Variants in MYRFL observed in about 807,000 individuals in gnomAD.
The protein encoded by MYRFL is myelin regulatory factor-like protein.
Under a neutral mutation model 109.4 loss-of-function variants are expected in MYRFL, and 88 were observed. The observed-to-expected ratio is 0.80, with a 90% CI of 0.68 to 0.96. The LOEUF is 0.96. Ranked by LOEUF, MYRFL falls within the 40% of genes least tolerant of loss-of-function variation. MYRFL has a pLI of 0.00. For synonymous variants in MYRFL, 324 were observed against 320.9 expected, an observed-to-expected ratio of 1.01 and a Z score of -0.10; for missense variants, 957 against 954.9, an observed-to-expected ratio of 1.00 and a Z score of -0.03.
At chr12:69,894,049 T>G (rs1887076996) in intron 8 of MYRFL, among the ~76,000 whole-genome samples, 1 of 140,034 alleles carries the variant, frequency 7.1e-6, no homozygotes, top group Non-Finnish European at 1.5e-5. Context: ...CAGGTTGGAG[T>G]GCAGTGGCGT....
intron 2 of MYRFL, among the ~76,000 whole-genome samples, chr12:69,862,695 A>G (rs1216378169): frequency 2.6e-5 from 4 of 152,192 alleles, no homozygotes; most frequent in Admixed American, 2.0e-4. Flanking sequence ...TCATCTGCAA[A>G]CAGGGACAAT....
At position 69,891,008 on chromosome 12, in the gene MYRFL, T is replaced by C. The variant is rs1287029370; in HGVS notation, c.745T>C (p.Phe249Leu). 6.5e-7 allele frequency: 1 copy of C among 1,533,846 alleles called. No individual in the cohort carries two copies. Among genetic ancestry groups the C allele is most frequent in the Non-Finnish European group, 8.7e-7 (1 of 1,145,952 alleles). Reference protein sequence around the residue: ...VGYRVVTDKGFNFSPADEAFV... With the variant: ...VGYRVVTDKGLNFSPADEAFV... ...CTATCGAGTTGTAACAGACAAAGGA[T>C]TTAATTTTTCACCAGCAGATGAAGC... Residue 249 changes from phenylalanine to leucine, a missense_variant, in exon 7 of 25, where the codon TTT (phenylalanine) becomes CTT (leucine). Physicochemically the swap from Phe to Leu is conservative, Grantham distance 22 (BLOSUM62 0). Coordinates refer to ENST00000552032, the MANE Select transcript of MYRFL (RefSeq NM_182530.3).
chr12:69,924,535 T>C (rs923599324), intron 13 of MYRFL, among the ~76,000 whole-genome samples: 25 of 150,242 alleles, frequency 1.7e-4, no homozygotes, highest in African/African-American at 6.1e-4. Flanking sequence ...TGTTTGATTG[T>C]GGTCTCTTTT....
chr12:69,954,281 G>T lies in MYRFL; in HGVS notation c.2376-1082G>T, dbSNP rs73324220. On this transcript the variant is annotated intron_variant, in intron 21 of 24. Coordinates refer to ENST00000552032, the MANE Select transcript of MYRFL (RefSeq NM_182530.3). ...GATACTTTCAAAACTGAGTTGGGTTGCTGTGAAGCATGCAGATAATGGGAG... is the reference window on the plus strand; with the variant it reads ...GATACTTTCAAAACTGAGTTGGGTTTCTGTGAAGCATGCAGATAATGGGAG... Among the ~76,000 whole-genome samples the T allele has an allele frequency of 2.4e-3, 368 of 152,316 alleles. 3 individuals are homozygous for T. The highest frequency in any genetic ancestry group is 8.4e-3 in the African/African-American group (351 of 41,556).
At chr12:69,835,926 G>A (rs188663809) in intron 1 of MYRFL, among the ~76,000 whole-genome samples, 113 of 152,296 alleles carry the variant, frequency 7.4e-4, no homozygotes, top group African/African-American at 5.5e-4. Context: ...TAGTTTTGCC[G>A]TCTATAGGCT....
chr12:69,901,502 T>C (rs922315818), intron 10 of MYRFL, among the ~76,000 whole-genome samples: 1 of 152,218 alleles, frequency 6.6e-6, no homozygotes, highest in Non-Finnish European at 1.5e-5. Flanking sequence ...GTGAGAGTAT[T>C]GCAATTGTTC....
At chr12:69,927,787 T>C in intron 15 of MYRFL, 39 bp downstream of exon 15, 1 of 1,488,180 alleles carries the variant, frequency 6.7e-7, no homozygotes. Flanking sequence ...AATGATGTTT[T>C]CTACTTAAAA....
intron 2 of MYRFL, among the ~76,000 whole-genome samples, chr12:69,865,335 C>G (rs1158003345): frequency 2.6e-5 from 4 of 152,136 alleles, no homozygotes; most frequent in African/African-American, 9.7e-5. Flanking sequence ...CCAGCAGGGT[C>G]TGTTCAGATT....
At chr12:69,883,025 G>A (rs1471861645) in intron 5 of MYRFL, among the ~76,000 whole-genome samples, 2 of 152,196 alleles carry the variant, frequency 1.3e-5, no homozygotes, top group Non-Finnish European at 2.9e-5. Context: ...AACATATTTT[G>A]AAAGGCATTC....
chr12:69,933,471 C>T (rs926870422), intron 16 of MYRFL, among the ~76,000 whole-genome samples: 6 of 152,218 alleles, frequency 3.9e-5, no homozygotes, highest in East Asian at 1.9e-4. Context: ...TTCTGGGGCC[C>T]GTCTTAGGGG....
chr12:69,887,911 G>A (rs1886557886), intron 6 of MYRFL, among the ~76,000 whole-genome samples: 2 of 152,164 alleles, frequency 1.3e-5, no homozygotes, highest in Admixed American at 1.3e-4. Context: ...AGGGGTCCAT[G>A]GGTTTTGGCT....
intron 7 of MYRFL, among the ~76,000 whole-genome samples, chr12:69,891,553 A>T (rs1019383209): frequency 9.6e-6 from 1 of 104,190 alleles, no homozygotes. Flanking sequence ...GTTAAGTGAA[A>T]GGTGTCAATT....
intron 19 of MYRFL, among the ~76,000 whole-genome samples, chr12:69,939,146 G>C (rs1755252784): frequency 6.6e-6 from 1 of 152,218 alleles, no homozygotes; most frequent in Non-Finnish European, 1.5e-5. Flanking sequence ...GGCTTGCTTA[G>C]GTAAACAAAG....
chr12:69,827,620 A>G (rs1318028146), intron 1 of MYRFL, among the ~76,000 whole-genome samples: 2 of 152,110 alleles, frequency 1.3e-5, no homozygotes, highest in East Asian at 3.8e-4. Context: ...AGACGGGTGC[A>G]TTGTTTTATT....
intron 10 of MYRFL, among the ~76,000 whole-genome samples, chr12:69,897,945 G>A (rs74101376): frequency 0.029 from 4,389 of 152,310 alleles, 218 homozygotes; most frequent in African/African-American, 0.1. Flanking sequence ...TAAAGCTGTT[G>A]GTGGCTGCAG....
chr12:69,857,449 A>G (rs1363158466), intron 2 of MYRFL, among the ~76,000 whole-genome samples: 2 of 151,850 alleles, frequency 1.3e-5, no homozygotes, highest in Admixed American at 6.6e-5. Flanking sequence ...ATTTTGATTA[A>G]AATTTTATTA....
chr12:69,945,693 TA>T (rs1295654937), intron 19 of MYRFL, among the ~76,000 whole-genome samples: 1 of 152,006 alleles, frequency 6.6e-6, no homozygotes, highest in African/African-American at 2.4e-5. Flanking sequence ...ATTTTCATGT[TA>T]AAAAAATTAT....
chr12:69,910,989 C>T (rs1363519059), intron 13 of MYRFL, 59 bp downstream of exon 13: 3 of 1,196,486 alleles, frequency 2.5e-6, no homozygotes, highest in Non-Finnish European at 3.5e-6. Context: ...AAACCCCCTT[C>T]TGTGATAGCA....
intron 13 of MYRFL, among the ~76,000 whole-genome samples, chr12:69,913,425 T>C (rs1044337643): frequency 3.3e-5 from 5 of 152,214 alleles, no homozygotes; most frequent in Non-Finnish European, 1.5e-5. Context: ...TGAAGAGTTT[T>C]ATAATTTTAG....
Sources: allele counts gnomAD v4.1 joint callset (sites outside exome capture counted in the v4.1 genomes callset), GRCh38; gene constraint gnomAD v4.1.1; transcripts MANE v1.5; gene names NCBI Gene and HGNC (gene_info 2026-07-23, HGNC 2026-07-21).